Variants in HS6ST2 observed in about 807,000 individuals in gnomAD.
HS6ST2 encodes heparan sulfate 6-O-sulfotransferase 2, also known as heparan-sulfate 6-O-sulfotransferase 2.
A neutral mutation model predicts 33.0 loss-of-function variants in HS6ST2; 17 were observed. The observed-to-expected ratio is 0.52, with a 90% CI of 0.35 to 0.77. The LOEUF (loss-of-function observed/expected upper bound fraction) is 0.77. HS6ST2 is among the 30% of genes least tolerant of loss of function. The pLI is 0.01. For synonymous variants in HS6ST2, 248 were observed against 237.1 expected, an observed-to-expected ratio of 1.05 and a Z score of -0.42; for missense variants, 519 against 551.7, an observed-to-expected ratio of 0.94 and a Z score of 0.59.
intron 2 of HS6ST2, among the ~76,000 whole-genome samples, chrX:132,936,510 C>A (rs754209628): frequency 2.7e-5 from 3 of 112,003 alleles, no homozygotes; most frequent in African/African-American, 9.7e-5. Flanking sequence ...CAAATTCAGA[C>A]AAAGACATCA....
At chrX:132,776,869 T>C (rs918992678) in intron 2 of HS6ST2, among the ~76,000 whole-genome samples, 3 of 110,493 alleles carry the variant, frequency 2.7e-5, no homozygotes, top group Non-Finnish European at 5.7e-5. Flanking sequence ...CTCAGTTTTT[T>C]AAAGGTCCAG....
chrX:132,926,401 G>GGGCCTTCTCACCATTCTGCAT (rs2066710782), intron 2 of HS6ST2, among the ~76,000 whole-genome samples: 1 of 111,396 alleles, frequency 9.0e-6, no homozygotes, highest in Non-Finnish European at 1.9e-5. Flanking sequence ...GAGGTAAGTA[G>GGGCCTTCTCACCATTCTGCAT]GGCCTTCTCA....
intron 3 of HS6ST2, among the ~76,000 whole-genome samples, chrX:132,695,316 G>A (rs2064095902): frequency 8.9e-6 from 1 of 111,734 alleles, no homozygotes; most frequent in South Asian, 3.8e-4. Flanking sequence ...AATACAGATT[G>A]TTATCCTAAT....
chrX:132,942,630 T>A (rs188813690), intron 2 of HS6ST2, among the ~76,000 whole-genome samples: 1 of 112,052 alleles, frequency 8.9e-6, no homozygotes, highest in East Asian at 2.8e-4. Flanking sequence ...ACTCCTCCCT[T>A]GGTTTTTGAA....
chrX:132,851,869 G>C (rs2065805205), intron 2 of HS6ST2, among the ~76,000 whole-genome samples: 2 of 111,604 alleles, frequency 1.8e-5, no homozygotes, highest in African/African-American at 6.5e-5. Flanking sequence ...GGCCAGGCAG[G>C]GTGGCTCACA....
intron 2 of HS6ST2, among the ~76,000 whole-genome samples, chrX:132,843,004 T>G (rs1433947915): frequency 8.9e-6 from 1 of 111,953 alleles, no homozygotes; most frequent in Non-Finnish European, 1.9e-5. Context: ...CTAGGTGCAG[T>G]TGCATTCCAG....
chrX:132,685,620 A>C (rs1285111382), intron 3 of HS6ST2, among the ~76,000 whole-genome samples: 1 of 111,766 alleles, frequency 8.9e-6, no homozygotes, highest in African/African-American at 3.3e-5. Context: ...AACTATCTTC[A>C]TAGACAGTTA....
intron 2 of HS6ST2, among the ~76,000 whole-genome samples, chrX:132,818,329 A>C (rs1431720958): frequency 9.0e-6 from 1 of 111,085 alleles, no homozygotes; most frequent in Non-Finnish European, 1.9e-5. Flanking sequence ...AAGTCACTTA[A>C]GTTTTTTGAG....
chrX:132,691,115 G>A (rs2064060226), intron 3 of HS6ST2, among the ~76,000 whole-genome samples: 1 of 112,095 alleles, frequency 8.9e-6, no homozygotes, highest in African/African-American at 3.2e-5. Flanking sequence ...TGCTCCCATC[G>A]AAGAAGGCAA....
intron 2 of HS6ST2, among the ~76,000 whole-genome samples, chrX:132,736,308 C>T (rs1032006254): frequency 9.0e-6 from 1 of 111,690 alleles, no homozygotes; most frequent in African/African-American, 3.3e-5. Context: ...TTAAGAATAG[C>T]CCTCTTAACA....
chrX:132,911,347 C>T (rs1416430251), intron 2 of HS6ST2, among the ~76,000 whole-genome samples: 1 of 110,961 alleles, frequency 9.0e-6, no homozygotes, highest in Non-Finnish European at 1.9e-5. Flanking sequence ...TGACATGAGC[C>T]TCTGCTGCTA....
rs927703738 is a variant in HS6ST2, at chrX:132,785,960, A to G, written c.948-77466T>C. 2.7e-5 allele frequency among the ~76,000 whole-genome samples: 3 copies of G among 111,566 alleles called. No individual in the cohort carries two copies. The Admixed American group carries it at 2.9e-4, about 11-fold the overall frequency. On this transcript the variant is annotated intron_variant, in intron 2 of 4. Coordinates refer to ENST00000370833, the MANE Select transcript of HS6ST2 (RefSeq NM_001394073.1). ...TGTATGATTTTTGAGAGATACAGAC[A>G]AGTGATTATACCCAAGGTCTACAGC...
intron 2 of HS6ST2, among the ~76,000 whole-genome samples, chrX:132,718,400 T>C (rs2064297289): frequency 8.9e-6 from 1 of 111,929 alleles, no homozygotes; most frequent in South Asian, 3.8e-4. Context: ...CTCAAGGTCA[T>C]ACAGTTAATA....
intron 2 of HS6ST2, among the ~76,000 whole-genome samples, chrX:132,728,918 A>G (rs947357551): frequency 8.9e-6 from 1 of 112,853 alleles, no homozygotes; most frequent in Admixed American, 9.3e-5. Context: ...TCTCTGCTTC[A>G]GTGATCAGAC....
At chrX:132,850,675 AT>A (rs1380002200) in intron 2 of HS6ST2, among the ~76,000 whole-genome samples, 2 of 110,425 alleles carry the variant, frequency 1.8e-5, no homozygotes, top group Non-Finnish European at 3.8e-5. Context: ...TATGAACATA[AT>A]TTACTTTAAC....
intron 2 of HS6ST2, among the ~76,000 whole-genome samples, chrX:132,747,564 C>T (rs1227007067): frequency 1.8e-5 from 2 of 110,552 alleles, no homozygotes. Flanking sequence ...AAGAAAGAAC[C>T]CTGAGTTCAA....
At chrX:132,863,859 T>C (rs781758956) in intron 2 of HS6ST2, among the ~76,000 whole-genome samples, 1 of 111,703 alleles carries the variant, frequency 9.0e-6, no homozygotes, top group East Asian at 2.8e-4. Context: ...CAATTAAATA[T>C]TGAAGAAGGC....
chrX:132,777,122 T>G, intron 2 of HS6ST2, among the ~76,000 whole-genome samples: 1 of 103,082 alleles, frequency 9.7e-6, no homozygotes, highest in Non-Finnish European at 2.0e-5. Context: ...AGGCCAGGGA[T>G]GCTGCTAAAC....
At chrX:132,641,257 C>G (rs2063599574) in intron 4 of HS6ST2, among the ~76,000 whole-genome samples, 1 of 112,468 alleles carries the variant, frequency 8.9e-6, no homozygotes, top group South Asian at 3.7e-4. Flanking sequence ...GATTCTCCTG[C>G]CTTAGCCTCC....
Sources: allele counts gnomAD v4.1 joint callset (sites outside exome capture counted in the v4.1 genomes callset), GRCh38; gene constraint gnomAD v4.1.1; transcripts MANE v1.5; gene names NCBI Gene and HGNC (gene_info 2026-07-23, HGNC 2026-07-21).